The following TNFSF11 variants were observed in gnomAD, a reference collection of about 807,000 sequenced individuals.
TNFSF11 encodes the protein TNF superfamily member 11.
A neutral mutation model predicts 32.2 loss-of-function variants in TNFSF11; 12 were observed. That is an observed-to-expected ratio of 0.37 (90% confidence interval 0.24 to 0.60). The LOEUF is 0.60. TNFSF11 is among the 20% of genes least tolerant of loss of function. The pLI, the probability that TNFSF11 is intolerant of heterozygous loss-of-function variation, is 0.66. For missense variants in TNFSF11, 345 were observed against 398.0 expected, an observed-to-expected ratio of 0.87 and a Z score of 1.13; for synonymous variants, 172 against 152.1, an observed-to-expected ratio of 1.13 and a Z score of -0.96.
At chr13:42,599,282 C>G (rs1021575679) in intron 2 of TNFSF11, among the ~76,000 whole-genome samples, 3 of 152,112 alleles carry the variant, frequency 2.0e-5, no homozygotes, top group Non-Finnish European at 4.4e-5. Context: ...CAGCTAATAA[C>G]AGTTGAAATT....
chr13:42,607,425 G>A lies in TNFSF11; in HGVS notation c.*507G>A, dbSNP rs1185858840. 1.3e-5 allele frequency: 2 copies of A among 153,016 alleles called. No homozygotes were observed. The highest frequency in any genetic ancestry group is 2.9e-5 in the Non-Finnish European group (2 of 68,402). 9.5% of individuals were successfully genotyped at this position (153,016 alleles called of 1,614,324 possible). On this transcript the variant is annotated 3_prime_UTR_variant, in exon 5 of 5. Transcript: ENST00000398795. ...ATATTTCAGATGTAATGTTTTCTTT[G>A]CAAAGTATTGTAAATTATATTTGTG...
intron 2 of TNFSF11, among the ~76,000 whole-genome samples, chr13:42,584,777 A>T (rs1873802424): frequency 1.3e-5 from 2 of 152,226 alleles, no homozygotes; most frequent in Admixed American, 1.3e-4. Flanking sequence ...GACTCACAGG[A>T]TGAGTAGAAC....
chr13:42,582,665 G>A (rs1433897905), intron 2 of TNFSF11, among the ~76,000 whole-genome samples: 1 of 152,222 alleles, frequency 6.6e-6, no homozygotes, highest in Non-Finnish European at 1.5e-5. Flanking sequence ...TCATTAGTGT[G>A]TAGGTGTTTG....
At chr13:42,574,716 C>A (rs1873222457) in intron 1 of TNFSF11, among the ~76,000 whole-genome samples, 194 bp downstream of exon 1, 1 of 152,022 alleles carries the variant, frequency 6.6e-6, no homozygotes, top group South Asian at 2.1e-4. Context: ...GCGCACCCTG[C>A]TCTCTCTCCG....
chr13:42,574,540 C>G lies in TNFSF11; in HGVS notation c.219+18C>G. On this transcript the variant is annotated intron_variant, in intron 1 of 4. Transcript: ENST00000398795. ...GAGCGCAGGTGAGTGGCCACCTTCCCAGGGGATCGCGGCTGAGAGCGCCCA... is the reference window on the plus strand; with the variant it reads ...GAGCGCAGGTGAGTGGCCACCTTCCGAGGGGATCGCGGCTGAGAGCGCCCA... 1.2e-6 allele frequency: 2 copies of G among 1,602,822 alleles called. No individual in the cohort carries two copies. The highest frequency in any genetic ancestry group is 1.7e-6 in the Non-Finnish European group (2 of 1,178,906).
rs569615616 is a variant in TNFSF11, at chr13:42,574,230, C to G, written c.-74C>G. ...CACGTCGAGGCTCCGCCGCAGCCTC[C>G]GGAGTTGGCCGCAGACAAGAAGGGG... On this transcript the variant is annotated 5_prime_UTR_variant, in exon 1 of 5. Transcript: ENST00000398795. The G allele has an allele frequency of 8.5e-6, 13 of 1,526,702 alleles. No individual in the cohort carries two copies. The highest frequency in any genetic ancestry group is 9.7e-6 in the Non-Finnish European group (11 of 1,131,012). 94.6% of individuals were successfully genotyped at this position (1,526,702 alleles called of 1,614,324 possible).
chr13:42,598,899 T>C (rs758584564), intron 2 of TNFSF11, among the ~76,000 whole-genome samples: 1 of 152,122 alleles, frequency 6.6e-6, no homozygotes, highest in Non-Finnish European at 1.5e-5. Flanking sequence ...TTAGGCACCA[T>C]TGAGAACCCG....
At chr13:42,606,384 C>T in intron 4 of TNFSF11, 113 bp from the exon 5 acceptor site, 2 of 1,268,922 alleles carry the variant, frequency 1.6e-6, no homozygotes, top group Non-Finnish European at 1.1e-6. Flanking sequence ...AGTTATTCTC[C>T]CTTTGAAATA....
chr13:42,590,382 A>G (rs1429413586), intron 2 of TNFSF11, among the ~76,000 whole-genome samples: 1 of 152,202 alleles, frequency 6.6e-6, no homozygotes, highest in Non-Finnish European at 1.5e-5. Flanking sequence ...TTGGAGCGTG[A>G]ACACGTTAGG....
At chr13:42,574,919 G>T (rs1873232093) in intron 1 of TNFSF11, among the ~76,000 whole-genome samples, 1 of 152,236 alleles carries the variant, frequency 6.6e-6, no homozygotes, top group South Asian at 2.1e-4. Context: ...TAGGAAAAAA[G>T]ATGAGCGCCT....
intron 2 of TNFSF11, 93 bp downstream of exon 2, chr13:42,581,386 T>G: frequency 7.4e-7 from 1 of 1,352,986 alleles, no homozygotes; most frequent in Non-Finnish European, 1.0e-6. Context: ...GACTCTGCTC[T>G]TTTTATTCTA....
chr13:42,580,927 G>A (rs1302607849), intron 1 of TNFSF11, among the ~76,000 whole-genome samples, 199 bp from the exon 2 acceptor site: 1 of 152,126 alleles, frequency 6.6e-6, no homozygotes, highest in Non-Finnish European at 1.5e-5. Context: ...CTTGTCCTGT[G>A]GATGATAGTC....
chr13:42,599,349 C>CATCCATCTATCTATCTATCTATCT (rs1555310745), intron 2 of TNFSF11, among the ~76,000 whole-genome samples: 3 of 112,246 alleles, frequency 2.7e-5, no homozygotes, highest in South Asian at 3.6e-4. Context: ...ATCTATCTAT[C>CATCCATCTATCTATCTATCTATCT]ATCTATCTAT....
In TNFSF11 at chr13:42,581,362, G is replaced by A. The variant is rs538482620; in HGVS notation, c.387+69G>A. ...TCTACCAATACTGAAAATTAAAACT[G>A]GCTAAGTGCTGTTGACTCTGCTCTT... On this transcript the variant is annotated intron_variant, in intron 2 of 4. Transcript: ENST00000398795. 1.5e-5 allele frequency: 23 copies of A among 1,549,236 alleles called. No homozygotes were observed. In the East Asian group the frequency reaches 4.5e-4, roughly 30 times the overall value.
intron 2 of TNFSF11, among the ~76,000 whole-genome samples, chr13:42,599,098 G>A (rs960234834): frequency 2.0e-5 from 3 of 152,178 alleles, no homozygotes; most frequent in South Asian, 4.1e-4. Context: ...CTTTGAGTGA[G>A]TCCTAGGGTT....
At chr13:42,582,290 G>A (rs985692966) in intron 2 of TNFSF11, among the ~76,000 whole-genome samples, 1 of 152,254 alleles carries the variant, frequency 6.6e-6, no homozygotes, top group Non-Finnish European at 1.5e-5. Context: ...TGTAAAGCCA[G>A]CTAACAAAGG....
chr13:42,599,238 G>A (rs1868989219), intron 2 of TNFSF11, among the ~76,000 whole-genome samples: 1 of 152,182 alleles, frequency 6.6e-6, no homozygotes, highest in South Asian at 2.1e-4. Context: ...TTTGGAAGCA[G>A]AAAGAAGAAT....
At chr13:42,604,538 G>T (rs967724490) in intron 4 of TNFSF11, among the ~76,000 whole-genome samples, 4 of 152,152 alleles carry the variant, frequency 2.6e-5, no homozygotes, top group Non-Finnish European at 5.9e-5. Context: ...ATGATGGGTT[G>T]CCCCACCGTT....
At chr13:42,577,214 C>T (rs1274346070) in intron 1 of TNFSF11, among the ~76,000 whole-genome samples, 1 of 152,112 alleles carries the variant, frequency 6.6e-6, no homozygotes, top group Non-Finnish European at 1.5e-5. Flanking sequence ...GTATGCAAGT[C>T]CTCAAGGAAA....
Sources: gnomAD v4.1 joint callset for allele counts (sites outside exome capture counted in the v4.1 genomes callset) on GRCh38, gnomAD v4.1.1 for gene constraint, MANE v1.5 for transcripts, NCBI Gene and HGNC (gene_info 2026-07-23, HGNC 2026-07-21) for gene names.